The following SYTL3 variants were observed in gnomAD, a reference collection of about 807,000 sequenced individuals.
SYTL3 encodes synaptotagmin-like protein 3.
In SYTL3, 88 loss-of-function variants were observed where a neutral mutation model predicts 82.1. That is an observed-to-expected ratio of 1.07 (90% CI 0.90 to 1.28). The LOEUF (loss-of-function observed/expected upper bound fraction) is 1.28, where lower values mean the gene tolerates loss of function less well. SYTL3 is among the 50% of genes most tolerant of loss of function. The pLI is 0.00. For missense variants in SYTL3, 831 were observed against 757.6 expected (o/e 1.10, Z -1.14); for synonymous variants, 311 against 289.4 (o/e 1.07, Z -0.76).
At chr6:158,724,606 T>A (rs972961165) in intron 10 of SYTL3, among the ~76,000 whole-genome samples, 1 of 152,232 alleles carries the variant, frequency 6.6e-6, no homozygotes, top group Non-Finnish European at 1.5e-5. Flanking sequence ...CCATGGAGCA[T>A]TTGAAATGGG....
chr6:158,692,736 G>A (rs1394351685), intron 6 of SYTL3, among the ~76,000 whole-genome samples: 22 of 148,506 alleles, frequency 1.5e-4, no homozygotes, highest in Admixed American at 1.4e-4. Flanking sequence ...AGGAGATGGA[G>A]ACCATCTTGG....
chr6:158,762,783 G>A (rs1211800005), intron 16 of SYTL3, among the ~76,000 whole-genome samples: 1 of 152,134 alleles, frequency 6.6e-6, no homozygotes, highest in Non-Finnish European at 1.5e-5. Flanking sequence ...TGGGTGTGGT[G>A]GCGGGCACCT....
intron 10 of SYTL3, among the ~76,000 whole-genome samples, chr6:158,718,595 C>A (rs957918431): frequency 6.6e-6 from 1 of 152,234 alleles, no homozygotes; most frequent in Admixed American, 6.5e-5. Context: ...AAAATCTATC[C>A]TGACCTCTGA....
At chr6:158,751,134 C>G (rs987077574) in intron 12 of SYTL3, among the ~76,000 whole-genome samples, 1 of 152,058 alleles carries the variant, frequency 6.6e-6, no homozygotes, top group Non-Finnish European at 1.5e-5. Context: ...AAAGCTTAAC[C>G]TAGGGGGAAG....
chr6:158,713,985 T>A, intron 9 of SYTL3, 107 bp downstream of exon 9: 1 of 777,870 alleles, frequency 1.3e-6, no homozygotes, highest in Non-Finnish European at 2.2e-6. Flanking sequence ...CTCAGGCCAC[T>A]CACTTTGTCT....
chr6:158,751,320 G>A (rs1216492302), intron 12 of SYTL3, among the ~76,000 whole-genome samples: 1 of 152,098 alleles, frequency 6.6e-6, no homozygotes, highest in Non-Finnish European at 1.5e-5. Context: ...GGCAGCGTAG[G>A]GGCCTGTATG....
intron 12 of SYTL3, 48 bp from the exon 13 acceptor site, chr6:158,751,880 C>A (rs769399593): frequency 5.0e-6 from 7 of 1,401,788 alleles, no homozygotes; most frequent in Admixed American, 4.4e-5. Context: ...TCTTTATCCA[C>A]CCCTTTCCCT....
At chr6:158,650,201 CAAAA>C (rs1328828464) in intron 1 of SYTL3, 123 bp downstream of exon 1, 8 of 151,752 alleles carry the variant, frequency 5.3e-5, no homozygotes, top group Non-Finnish European at 1.0e-4. Context: ...AGGTAGGAAA[CAAAA>C]CATAATAAAT....
At chr6:158,679,646 G>A (rs975089271) in intron 5 of SYTL3, among the ~76,000 whole-genome samples, 2 of 152,146 alleles carry the variant, frequency 1.3e-5, no homozygotes, top group African/African-American at 2.4e-5. Flanking sequence ...TGCCAAATTA[G>A]CTCCTGTTTA....
chr6:158,751,104 G>T (rs557785058), intron 12 of SYTL3, among the ~76,000 whole-genome samples: 2 of 152,146 alleles, frequency 1.3e-5, no homozygotes, highest in African/African-American at 4.8e-5. Context: ...CCTCCTGGCC[G>T]ATTTCGAGTA....
intron 6 of SYTL3, among the ~76,000 whole-genome samples, chr6:158,684,862 G>GA (rs770699834): frequency 1.7e-4 from 26 of 150,924 alleles, no homozygotes; most frequent in Non-Finnish European, 3.4e-4. Context: ...AAACCTGGAG[G>GA]AAAAAACTAA....
intron 6 of SYTL3, among the ~76,000 whole-genome samples, chr6:158,696,243 A>G (rs1780542372): frequency 6.6e-6 from 1 of 152,004 alleles, no homozygotes; most frequent in Non-Finnish European, 1.5e-5. Flanking sequence ...CTCTGTTGCC[A>G]GGCTGGAGTA....
In SYTL3 at chr6:158,708,407, T is replaced by A; in HGVS notation, c.516+16T>A. 6.2e-7 allele frequency: 1 copy of A among 1,612,254 alleles called. No individual in the cohort carries two copies. The highest frequency in any genetic ancestry group is 8.5e-7 in the Non-Finnish European group (1 of 1,178,322). The stretch of plus-strand genomic sequence containing the variant: ...TCCTGGCAGGGTAACGTATCCATTC[T>A]GGGCACTTCTCTAGTAGGGGTCAGG... On this transcript the variant is annotated intron_variant, in intron 8 of 17. Transcript: ENST00000611299.
intron 11 of SYTL3, among the ~76,000 whole-genome samples, chr6:158,735,856 A>G (rs997960872): frequency 1.3e-5 from 2 of 152,210 alleles, no homozygotes; most frequent in African/African-American, 4.8e-5. Flanking sequence ...CTGCAGGGTG[A>G]GCAGAAACTG....
chr6:158,674,119 A>AATAATAATG (rs544841096), intron 5 of SYTL3, among the ~76,000 whole-genome samples: 2,800 of 141,324 alleles, frequency 0.02, 77 homozygotes, highest in African/African-American at 0.062. Flanking sequence ...TAATAATAAT[A>AATAATAATG]ATGATGATGA....
At position 158,763,449 on chromosome 6, in the gene SYTL3, T is replaced by G. The variant is rs762199687; in HGVS notation, c.1663T>G (p.Trp555Gly). 3 of 1,614,082 alleles carry G rather than the reference T, an allele frequency of 1.9e-6. No homozygotes were observed. ...GCAGTCAAGCTTGGAGTTAACTGTC[T>G]GGGATCAGGCCCTCTTTGGAATGAA... ...LRQSSLELTV[W>G]DQALFGMNDR... The change falls in exon 17 of 18, where the codon TGG becomes GGG. Residue 555 changes from tryptophan to glycine, a missense_variant. Trp to Gly is a radical substitution (Grantham distance 184, BLOSUM62 -2). Coordinates refer to ENST00000611299, the MANE Select transcript of SYTL3 (RefSeq NM_001242394.2).
intron 11 of SYTL3, chr6:158,726,774 T>C (rs1222871473): frequency 2.6e-5 from 5 of 191,506 alleles, no homozygotes; most frequent in Non-Finnish European, 5.5e-5. Context: ...ATGTTTTCAG[T>C]GTCTGTTCAG....
At chr6:158,725,040 TAAA>T (rs576589083) in intron 10 of SYTL3, among the ~76,000 whole-genome samples, 1 of 151,960 alleles carries the variant, frequency 6.6e-6, no homozygotes, top group Non-Finnish European at 1.5e-5. Flanking sequence ...AAAGAAAAAA[TAAA>T]AAAAGCATCA....
rs1179540008 is a variant in SYTL3 at position 158,718,205 on chromosome 6, C to T, written c.714C>T (p.Thr238=). The T allele has an allele frequency of 2.0e-6, 3 of 1,533,650 alleles. No individual in the cohort carries two copies. The highest frequency in any genetic ancestry group is 1.8e-6 in the Non-Finnish European group (2 of 1,137,892). The part of the protein sequence containing the change: ...RSQSDTAVNV[T]TRKVSAPDIL... The stretch of plus-strand genomic sequence containing the variant: ...AGTCTGACACTGCGGTCAACGTCAC[C>T]ACCAGGGTACCCTGAGCCCCACAAG... The change falls in exon 10 of 18, where the codon ACC becomes ACT. Residue 238 remains threonine (T), a synonymous_variant. Transcript: ENST00000611299.
Sources: allele counts gnomAD v4.1 joint callset (sites outside exome capture counted in the v4.1 genomes callset), GRCh38; gene constraint gnomAD v4.1.1; transcripts MANE v1.5; gene names NCBI Gene and HGNC (gene_info 2026-07-23, HGNC 2026-07-21).